The following NPHP4 variants were observed in gnomAD, a reference collection of about 807,000 sequenced individuals.
NPHP4 encodes nephrocystin 4, also known as nephrocystin-4.
Under a neutral mutation model 155.8 loss-of-function variants are expected in NPHP4, and 151 were observed. That is an observed-to-expected ratio of 0.97 (90% CI 0.85 to 1.11). The LOEUF is 1.11. Among genes scored for constraint, NPHP4 ranks in the 50% least tolerant of loss-of-function variants. The pLI is 0.00. For synonymous variants in NPHP4, 845 were observed against 816.8 expected, an observed-to-expected ratio of 1.03 and a Z score of -0.59; for missense variants, 1,956 against 1,925.7, an observed-to-expected ratio of 1.02 and a Z score of -0.29.
chr1:5,916,986 T>C (rs1645506287), intron 11 of NPHP4, among the ~76,000 whole-genome samples: 1 of 152,198 alleles, frequency 6.6e-6, no homozygotes, highest in East Asian at 1.9e-4. Context: ...TGGGCAAAGC[T>C]GGAATGCAAG....
At chr1:5,866,121 A>G (rs1641191338) in intron 26 of NPHP4, 1 of 543,750 alleles carries the variant, frequency 1.8e-6, no homozygotes, top group South Asian at 2.0e-5. Flanking sequence ...ACAGAGGCTG[A>G]CTGGTGTCTC....
intron 10 of NPHP4, among the ~76,000 whole-genome samples, chr1:5,932,859 G>A (rs983919196): frequency 1.3e-5 from 2 of 152,082 alleles, no homozygotes; most frequent in African/African-American, 2.4e-5. Flanking sequence ...CTCCAAACGT[G>A]CACGCCACAC....
At chr1:5,923,873 G>A (rs918853776) in intron 11 of NPHP4, among the ~76,000 whole-genome samples, 28 of 152,312 alleles carry the variant, frequency 1.8e-4, no homozygotes, top group African/African-American at 5.8e-4. Context: ...ATCCAAAGAG[G>A]CAGGAAAACA....
At chr1:5,955,742 G>C (rs537012735) in intron 6 of NPHP4, among the ~76,000 whole-genome samples, 1 of 152,350 alleles carries the variant, frequency 6.6e-6, no homozygotes, top group African/African-American at 2.4e-5. Flanking sequence ...ATCAGAGACT[G>C]AGGAGGGGAG....
intron 6 of NPHP4, 141 bp downstream of exon 6, chr1:5,961,653 A>AC: frequency 1.4e-6 from 1 of 713,726 alleles, no homozygotes; most frequent in Non-Finnish European, 2.4e-6. Flanking sequence ...GTCCCCCACA[A>AC]CCCCCGCCAG....
chr1:5,965,829 G>A (rs1354641374), intron 5 of NPHP4, among the ~76,000 whole-genome samples: 6 of 152,106 alleles, frequency 3.9e-5, no homozygotes, highest in East Asian at 1.9e-4. Context: ...GAGGGCTTTC[G>A]TGTCCCCTGC....
At chr1:5,876,832 C>T (rs2100668311) in intron 20 of NPHP4, 1 of 362,326 alleles carries the variant, frequency 2.8e-6, no homozygotes, top group Non-Finnish European at 4.9e-6. Context: ...CAAACCCAGG[C>T]TCCAGGGGTC....
intron 11 of NPHP4, among the ~76,000 whole-genome samples, chr1:5,924,169 G>GA (rs1311302870): frequency 6.6e-6 from 1 of 152,076 alleles, no homozygotes; most frequent in African/African-American, 2.4e-5. Context: ...CTTGAAGACA[G>GA]AAACTATCTA....
At chr1:5,969,003 G>T in intron 4 of NPHP4, 84 bp downstream of exon 4, 1 of 946,266 alleles carries the variant, frequency 1.1e-6, no homozygotes, top group Non-Finnish European at 1.6e-6. Context: ...CTCTAGCCTG[G>T]TTGACAGAGT....
chr1:5,870,739 G>A (rs1281282697), intron 23 of NPHP4, among the ~76,000 whole-genome samples: 1 of 152,218 alleles, frequency 6.6e-6, no homozygotes, highest in Non-Finnish European at 1.5e-5. Flanking sequence ...GTTCGTAGAG[G>A]ACACGGCAAA....
intron 3 of NPHP4, among the ~76,000 whole-genome samples, chr1:5,972,092 AC>A (rs1652674320): frequency 6.6e-6 from 1 of 152,206 alleles, no homozygotes; most frequent in Non-Finnish European, 1.5e-5. Context: ...GCAGCCGGGC[AC>A]CCCCCATGGC....
At chr1:5,911,427 C>G (rs1471002831) in intron 11 of NPHP4, among the ~76,000 whole-genome samples, 3 of 152,222 alleles carry the variant, frequency 2.0e-5, no homozygotes, top group Non-Finnish European at 4.4e-5. Flanking sequence ...GCAGAGACAG[C>G]GGGCACTCGG....
At chr1:5,923,183 G>A (rs1327199467) in intron 11 of NPHP4, among the ~76,000 whole-genome samples, 3 of 152,304 alleles carry the variant, frequency 2.0e-5, no homozygotes, top group South Asian at 2.1e-4. Context: ...CGGGATGATC[G>A]GCCCCGGTGG....
rs201408389 is a variant in NPHP4, at chr1:5,909,673, T to TA, written c.1442-461dup. On this transcript the variant is annotated intron_variant, in intron 11 of 29. Coordinates refer to ENST00000378156, the MANE Select transcript of NPHP4 (RefSeq NM_015102.5). ...GGCTTGCGGCCTCACGAACACCCAC[T>TA]AAGCACAAGCTGTCCGCCAGGTCCT... Among the ~76,000 whole-genome samples the TA allele has an allele frequency of 3.6e-3, 542 of 152,236 alleles. 5 individuals are homozygous for TA. The highest frequency in any genetic ancestry group is 0.012 in the African/African-American group (496 of 41,532).
rs1647208677 is a variant in NPHP4 at position 5,948,075 on chromosome 1, C to A, written c.987G>T (p.Lys329Asn). The change falls in exon 8 of 30, where the codon AAG becomes AAT. Residue 329 changes from lysine (K) to asparagine (N), a missense_variant. Lys to Asn is a moderately conservative substitution (Grantham distance 94). Coordinates refer to ENST00000378156, the MANE Select transcript of NPHP4 (RefSeq NM_015102.5). Reference sequence around the variant, plus strand: ...GGGGACCCAAGAGACAATACCTGGTCTTGGAAGAGGAGACCACTTTCCTGC... The same window carrying A: ...GGGGACCCAAGAGACAATACCTGGTATTGGAAGAGGAGACCACTTTCCTGC... Reference protein sequence around the residue: ...SFSRKVVSSSKTSSGSQALVL... With the variant: ...SFSRKVVSSSNTSSGSQALVL... 6.2e-7 allele frequency: 1 copy of A among 1,613,476 alleles called. No homozygotes were observed. Among genetic ancestry groups the A allele is most frequent in the Non-Finnish European group, 8.5e-7 (1 of 1,179,492 alleles).
chr1:5,977,175 T>C (rs1653756893), intron 3 of NPHP4, among the ~76,000 whole-genome samples: 2 of 152,054 alleles, frequency 1.3e-5, no homozygotes, highest in African/African-American at 4.8e-5. Context: ...GGGAAAGGCC[T>C]CCATGACATC....
intron 16 of NPHP4, among the ~76,000 whole-genome samples, chr1:5,898,907 T>G (rs1644531460): frequency 6.6e-6 from 1 of 152,086 alleles, no homozygotes; most frequent in South Asian, 2.1e-4. Flanking sequence ...ACATGCCTCA[T>G]GAACGACGAT....
In NPHP4 at chr1:5,914,286, A is replaced by AAAAAAAAAAAAAAAAAG. The variant is rs70977991; in HGVS notation, c.1442-5074_1442-5073insCTTTTTTTTTTTTTTTT. ...AAAAAAAAAAAAAAAAAAAAAAAAA[A>AAAAAAAAAAAAAAAAAG]GGCCTGGTGTGGTGGCATGCACCTG... On this transcript the variant is annotated intron_variant, in intron 11 of 29. Coordinates refer to ENST00000378156, the MANE Select transcript of NPHP4 (RefSeq NM_015102.5). Among the ~76,000 whole-genome samples the AAAAAAAAAAAAAAAAAG allele has an allele frequency of 1.8e-4, 25 of 139,924 alleles. 2 individuals are homozygous for AAAAAAAAAAAAAAAAAG. Among genetic ancestry groups the AAAAAAAAAAAAAAAAAG allele is most frequent in the African/African-American group, 7.4e-4 (25 of 33,944 alleles). 91.8% of individuals were successfully genotyped at this position (139,924 alleles called of 152,430 possible).
chr1:5,919,735 GGTTTTTTTT>G (rs1645645210), intron 11 of NPHP4, among the ~76,000 whole-genome samples: 1 of 151,924 alleles, frequency 6.6e-6, no homozygotes, highest in Admixed American at 6.5e-5. Context: ...TTTGTTTGTG[GGTTTTTTTT>G]GTTTTTTTTT....
Sources: gnomAD v4.1 joint callset for allele counts (sites outside exome capture counted in the v4.1 genomes callset) on GRCh38, gnomAD v4.1.1 for gene constraint, MANE v1.5 for transcripts, NCBI Gene and HGNC (gene_info 2026-07-23, HGNC 2026-07-21) for gene names.